Variants in SLC24A3 observed in about 807,000 individuals in gnomAD.
The protein encoded by SLC24A3 is solute carrier family 24 member 3, also known as sodium/potassium/calcium exchanger 3.
A neutral mutation model predicts 75.8 loss-of-function variants in SLC24A3; 28 were observed. That is an observed-to-expected ratio of 0.37 (90% confidence interval 0.27 to 0.51). The LOEUF is 0.51. Among genes scored for constraint, SLC24A3 ranks in the 20% least tolerant of loss-of-function variants. SLC24A3 has a pLI of 0.94. For missense variants in SLC24A3, 663 were observed against 847.8 expected (o/e 0.78, Z 2.71); for synonymous variants, 372 against 334.1 (o/e 1.11, Z -1.24).
At chr20:19,587,936 G>T (rs1020995527) in intron 6 of SLC24A3, among the ~76,000 whole-genome samples, 1 of 152,134 alleles carries the variant, frequency 6.6e-6, no homozygotes, top group South Asian at 2.1e-4. Context: ...TTCCACCTAG[G>T]TCACTGTGAT....
chr20:19,417,445 T>G (rs182929552), intron 2 of SLC24A3, among the ~76,000 whole-genome samples: 3 of 152,254 alleles, frequency 2.0e-5, no homozygotes, highest in East Asian at 3.9e-4. Flanking sequence ...GTACAAGATG[T>G]CAAGTGGATG....
intron 2 of SLC24A3, among the ~76,000 whole-genome samples, chr20:19,356,675 A>T (rs1985689682): frequency 6.6e-6 from 1 of 152,048 alleles, no homozygotes; most frequent in Non-Finnish European, 1.5e-5. Context: ...GGTGGGATGA[A>T]TTTGTCTATC....
At chr20:19,236,132 G>A (rs6081544) in intron 1 of SLC24A3, among the ~76,000 whole-genome samples, 32,811 of 152,192 alleles carry the variant, frequency 0.22, 3,750 homozygotes, top group South Asian at 0.31. Flanking sequence ...TTATTGGGGA[G>A]CCATGCTCTG....
intron 2 of SLC24A3, among the ~76,000 whole-genome samples, chr20:19,285,552 A>AG (rs1555785971): frequency 4.6e-5 from 6 of 130,060 alleles, no homozygotes; most frequent in Non-Finnish European, 9.7e-5. Flanking sequence ...GAAATTTGTG[A>AG]TTTTTTTTTT....
chr20:19,368,296 A>G (rs1985933083), intron 2 of SLC24A3, among the ~76,000 whole-genome samples: 1 of 152,244 alleles, frequency 6.6e-6, no homozygotes, highest in South Asian at 2.1e-4. Flanking sequence ...GGCAAAGTAC[A>G]GCCAGAGAGA....
chr20:19,267,324 A>T (rs889485319), intron 1 of SLC24A3, among the ~76,000 whole-genome samples: 5 of 152,210 alleles, frequency 3.3e-5, no homozygotes, highest in Non-Finnish European at 5.9e-5. Context: ...AGATATATAG[A>T]TCCAAATGGA....
At chr20:19,465,434 A>G (rs1385803511) in intron 2 of SLC24A3, among the ~76,000 whole-genome samples, 1 of 150,240 alleles carries the variant, frequency 6.7e-6, no homozygotes, top group East Asian at 1.9e-4. Flanking sequence ...ACTTTTTACT[A>G]ATGTTCTTTC....
At chr20:19,286,833 A>C (rs1454189443) in intron 2 of SLC24A3, among the ~76,000 whole-genome samples, 1 of 152,244 alleles carries the variant, frequency 6.6e-6, no homozygotes, top group Non-Finnish European at 1.5e-5. Context: ...GAAATGACAA[A>C]TTGCAATTAG....
At chr20:19,620,803 T>G (rs1334176025) in intron 6 of SLC24A3, among the ~76,000 whole-genome samples, 1 of 152,234 alleles carries the variant, frequency 6.6e-6, no homozygotes, top group African/African-American at 2.4e-5. Flanking sequence ...TGGCCTCATT[T>G]GCAGTCTGCC....
chr20:19,604,129 G>T (rs867564041), intron 6 of SLC24A3, among the ~76,000 whole-genome samples: 1 of 152,200 alleles, frequency 6.6e-6, no homozygotes. Flanking sequence ...AGGTGCTTCT[G>T]TGCTGCCAGA....
rs1198564387 is a variant in SLC24A3 at position 19,346,301 on chromosome 20, T to TGTATATATATATATGGTATATATATATG, written c.271+65217_271+65244dup. On this transcript the variant is annotated intron_variant, in intron 2 of 16. Coordinates refer to ENST00000328041, the MANE Select transcript of SLC24A3 (RefSeq NM_020689.4). ...ATATATATATGGTATATATATATGG[T>TGTATATATATATATGGTATATATATATG]GTATATATATATATGGTATATATAT... is the stretch of plus-strand genomic sequence containing the variant. Among the ~76,000 whole-genome samples, 21 of 111,504 alleles carry TGTATATATATATATGGTATATATATATG rather than the reference T, an allele frequency of 1.9e-4. No homozygotes were observed. The East Asian group carries it at 4.1e-3, about 22-fold the overall frequency. The allele number at this position is 111,504 out of a possible 152,430, so 73.2% of individuals were successfully genotyped here.
chr20:19,553,067 T>TTCCTTCCC (rs2030723959), intron 3 of SLC24A3, among the ~76,000 whole-genome samples: 2 of 99,044 alleles, frequency 2.0e-5, no homozygotes, highest in South Asian at 9.5e-4. Flanking sequence ...CCCTCCTTCC[T>TTCCTTCCC]TCCCTCCCTC....
chr20:19,326,303 C>T (rs1458651456), intron 2 of SLC24A3, among the ~76,000 whole-genome samples: 3 of 151,960 alleles, frequency 2.0e-5, no homozygotes, highest in African/African-American at 7.3e-5. Context: ...CATCCTCTGC[C>T]CAAGGGAGCA....
chr20:19,530,005 G>A (rs948016166), intron 3 of SLC24A3, among the ~76,000 whole-genome samples: 5 of 152,170 alleles, frequency 3.3e-5, no homozygotes, highest in Admixed American at 1.3e-4. Flanking sequence ...AGAGGAATTT[G>A]TTCAAACTAG....
At chr20:19,339,603 T>C (rs568180586) in intron 2 of SLC24A3, among the ~76,000 whole-genome samples, 1 of 152,270 alleles carries the variant, frequency 6.6e-6, no homozygotes, top group East Asian at 1.9e-4. Context: ...TCCCACATGG[T>C]GTTTTAGAGA....
intron 2 of SLC24A3, among the ~76,000 whole-genome samples, chr20:19,400,143 T>A (rs1020390827): frequency 6.6e-6 from 1 of 152,220 alleles, no homozygotes; most frequent in East Asian, 1.9e-4. Context: ...ATTTATCTCC[T>A]CATTATGGGT....
chr20:19,594,641 A>T (rs1361491176), intron 6 of SLC24A3, among the ~76,000 whole-genome samples: 1 of 152,212 alleles, frequency 6.6e-6, no homozygotes, highest in African/African-American at 2.4e-5. Context: ...AGGCTTCGAG[A>T]TGTTAAATAC....
chr20:19,328,244 G>A (rs1259356254), intron 2 of SLC24A3, among the ~76,000 whole-genome samples: 4 of 151,700 alleles, frequency 2.6e-5, no homozygotes, highest in African/African-American at 4.8e-5. Context: ...TTGGAGGGAC[G>A]TCAAAGGTCG....
At chr20:19,380,392 G>T (rs1986160051) in intron 2 of SLC24A3, among the ~76,000 whole-genome samples, 3 of 152,204 alleles carry the variant, frequency 2.0e-5, no homozygotes, top group Non-Finnish European at 2.9e-5. Context: ...TGCTAAGGAG[G>T]CCGGGCCTGA....
Sources: gnomAD v4.1 joint callset for allele counts (sites outside exome capture counted in the v4.1 genomes callset) on GRCh38, gnomAD v4.1.1 for gene constraint, MANE v1.5 for transcripts, NCBI Gene and HGNC (gene_info 2026-07-23, HGNC 2026-07-21) for gene names.